Variants in ABCB1 observed in about 807,000 individuals in gnomAD.
ABCB1 encodes the protein ATP-dependent translocase ABCB1.
A neutral mutation model predicts 142.0 loss-of-function variants in ABCB1; 69 were observed. The ratio of observed to expected loss-of-function variants is 0.49; its 90% CI spans 0.40 to 0.59. The LOEUF (loss-of-function observed/expected upper bound fraction) is 0.59, where lower values mean the gene tolerates loss of function less well. ABCB1 is among the 20% of genes least tolerant of loss of function. ABCB1 has a pLI of 0.00. For missense variants in ABCB1, 1,326 were observed against 1,554.7 expected (o/e 0.85, Z 2.47); for synonymous variants, 532 against 539.2 (o/e 0.99, Z 0.18).
chr7:87,591,443 G>A (rs1332957361), intron 3 of ABCB1, among the ~76,000 whole-genome samples: 1 of 152,198 alleles, frequency 6.6e-6, no homozygotes, highest in Non-Finnish European at 1.5e-5. Context: ...AGGAATCACA[G>A]GTTGTGGTCA....
chr7:87,642,469 C>T (rs770561553), intron 1 of ABCB1, among the ~76,000 whole-genome samples: 35 of 151,940 alleles, frequency 2.3e-4, no homozygotes, highest in Admixed American at 1.3e-4. Context: ...ATATGTGATC[C>T]AAGTATATAA....
intron 11 of ABCB1, 50 bp from the exon 12 acceptor site, chr7:87,550,346 A>G (rs765866575): frequency 2.5e-6 from 4 of 1,613,532 alleles, no homozygotes; most frequent in Admixed American, 1.7e-5. Context: ...CAGACACAGG[A>G]TATAGGAACT....
rs775751932 is a variant in ABCB1, at chr7:87,561,379, A to T, written c.711T>A (p.Ser237=). ...LSAAVWAKIL[S]SFTDKELLAY... Reference sequence around the variant, plus strand: ...CTAAGAGTTCTTTATCAGTAAATGAAGATAGTATCTGTTTAAAAATACAAT... The same window carrying T: ...CTAAGAGTTCTTTATCAGTAAATGATGATAGTATCTGTTTAAAAATACAAT... The change falls in exon 8 of 28, where the codon TCT becomes TCA. Residue 237 remains serine (S), a synonymous_variant. Transcript: ENST00000622132. 1 of 1,612,664 alleles carries T rather than the reference A, an allele frequency of 6.2e-7. No homozygotes were observed. Among genetic ancestry groups the T allele is most frequent in the South Asian group, 1.1e-5 (1 of 90,774 alleles).
chr7:87,631,629 G>A (rs1210721317), intron 1 of ABCB1, among the ~76,000 whole-genome samples: 1 of 152,184 alleles, frequency 6.6e-6, no homozygotes, highest in Non-Finnish European at 1.5e-5. Context: ...TGCTGACCTC[G>A]TGATCCGCCC....
intron 1 of ABCB1, among the ~76,000 whole-genome samples, chr7:87,656,827 A>G (rs774808477): frequency 6.6e-6 from 1 of 152,338 alleles, no homozygotes; most frequent in Non-Finnish European, 1.5e-5. Context: ...CAAGTTACTC[A>G]TTCAAAAACA....
At chr7:87,648,736 A>C (rs938810279) in intron 1 of ABCB1, among the ~76,000 whole-genome samples, 1 of 152,090 alleles carries the variant, frequency 6.6e-6, no homozygotes, top group African/African-American at 2.4e-5. Flanking sequence ...AAAGTTTTTA[A>C]TGTTTTGACA....
intron 8 of ABCB1, among the ~76,000 whole-genome samples, chr7:87,559,314 G>C (rs1817450012): frequency 6.6e-6 from 1 of 152,076 alleles, no homozygotes; most frequent in Non-Finnish European, 1.5e-5. Context: ...TTAAGTGAGA[G>C]TTTTAACCTA....
Position 87,711,293 on chromosome 7 carries a change from C to T in ABCB1, c.-331+1868G>A, listed in dbSNP as rs149875873. Among the ~76,000 whole-genome samples, 318 of 151,600 alleles carry T rather than the reference C, an allele frequency of 2.1e-3. 7 individuals are homozygous for T. In the East Asian group the frequency reaches 0.031, roughly 15 times the overall value. ...GAGAGCCGAGATTGAGCCATTGCACCGCAGCCTGAGCAACAAGAGAGAAAC... is the reference window on the plus strand; with the variant it reads ...GAGAGCCGAGATTGAGCCATTGCACTGCAGCCTGAGCAACAAGAGAGAAAC... On this transcript the variant is annotated intron_variant, in intron 1 of 28. Coordinates refer to the ABCB1 transcript ENST00000265724.
At chr7:87,547,741 A>G (rs563651465) in intron 14 of ABCB1, among the ~76,000 whole-genome samples, 8 of 149,896 alleles carry the variant, frequency 5.3e-5, no homozygotes, top group African/African-American at 2.0e-4. Flanking sequence ...GTGGCGGTGC[A>G]TGCCTGTAAT....
rs548495124 is a variant in ABCB1, at chr7:87,568,629, T to G, written c.338+1543A>C. ...CAGTCTCTGACATTGCTGTTCACAA[T>G]TCAGCACTCAGCCCATCAGGAATCT... On this transcript the variant is annotated intron_variant, in intron 5 of 27. Transcript: ENST00000622132. Among the ~76,000 whole-genome samples, 14 of 152,292 alleles carry G rather than the reference T, an allele frequency of 9.2e-5. No individual in the cohort carries two copies. In the South Asian group the frequency reaches 2.9e-3, roughly 32 times the overall value.
intron 1 of ABCB1, among the ~76,000 whole-genome samples, chr7:87,633,822 T>C (rs914701926): frequency 4.6e-5 from 7 of 152,336 alleles, no homozygotes; most frequent in Non-Finnish European, 8.8e-5. Context: ...TGAAATGTTA[T>C]TGAATATTAA....
At chr7:87,514,115 G>A (rs557434578) in intron 25 of ABCB1, among the ~76,000 whole-genome samples, 10 of 152,142 alleles carry the variant, frequency 6.6e-5, no homozygotes, top group Non-Finnish European at 1.2e-4. Flanking sequence ...AAGAGTGACC[G>A]CTGTGAGGAA....
chr7:87,503,945 G>C lies in ABCB1; in HGVS notation c.*298C>G. 2.4e-6 allele frequency: 1 copy of C among 421,348 alleles called. No homozygotes were observed. Among genetic ancestry groups the C allele is most frequent in the Admixed American group, 3.8e-5 (1 of 26,482 alleles). 26.1% of individuals were successfully genotyped at this position (421,348 alleles called of 1,614,324 possible). A position where few individuals can be genotyped will look rare whatever the true frequency, so the allele number is the denominator to read the frequency against. On this transcript the variant is annotated 3_prime_UTR_variant, in exon 28 of 28. Coordinates refer to ENST00000622132, the MANE Select transcript of ABCB1 (RefSeq NM_001348946.2). ...GCTACTTCTATAATCTTTTAGCAAG[G>C]CAGTCAGTTACAGTCCAAATGGGAA...
intron 25 of ABCB1, among the ~76,000 whole-genome samples, chr7:87,514,471 C>G (rs925141175): frequency 6.6e-6 from 1 of 152,114 alleles, no homozygotes; most frequent in African/African-American, 2.4e-5. Context: ...CTTCCATGTT[C>G]TTTTTACATT....
chr7:87,550,503 C>G lies in ABCB1; in HGVS notation c.1189G>C (p.Val397Leu). The G allele has an allele frequency of 6.2e-7, 1 of 1,613,406 alleles. No individual in the cohort carries two copies. The highest frequency in any genetic ancestry group is 8.5e-7 in the Non-Finnish European group (1 of 1,179,972). Residue 397 changes from valine to leucine, a missense_variant, in exon 11 of 28, where the codon GTT becomes CTT. Transcript: ENST00000622132. Reference protein sequence around the residue: ...NIKGNLEFRNVHFSYPSRKEV... With the variant: ...NIKGNLEFRNLHFSYPSRKEV... ...TTTCGAGATGGGTAACTGAAGTGAA[C>G]ATTTCTGAATTCCAAATTTCCCTTA...
chr7:87,648,184 C>CAAAAA (rs138383809), intron 1 of ABCB1, among the ~76,000 whole-genome samples: 1 of 65,432 alleles, frequency 1.5e-5, no homozygotes, highest in African/African-American at 5.5e-5. Flanking sequence ...GACTCTGTCT[C>CAAAAA]AAAAAAAAAA....
In ABCB1 at chr7:87,628,584, C is replaced by CGTGCGT. The variant is rs1468348829; in HGVS notation, c.-330-27507_-330-27506insACGCAC. The stretch of plus-strand genomic sequence containing the variant: ...CGAGGGCGGAGGTGGTGCGTGCGTG[C>CGTGCGT]GTGTGTGTGTGTGTGTGTGTGTGTG... On this transcript the variant is annotated intron_variant, in intron 1 of 28. Coordinates refer to the ABCB1 transcript ENST00000265724. The CGTGCGT allele has an allele frequency of 9.7e-4, 283 of 290,704 alleles. 2 individuals are homozygous for CGTGCGT. Among genetic ancestry groups the CGTGCGT allele is most frequent in the Admixed American group, 1.8e-3 (34 of 18,866 alleles). The allele number at this position is 290,704 out of a possible 1,614,324, so 18.0% of individuals were successfully genotyped here. A position where few individuals can be genotyped will look rare whatever the true frequency, so the allele number is the denominator to read the frequency against.
intron 1 of ABCB1, among the ~76,000 whole-genome samples, chr7:87,647,426 A>G (rs193213867): frequency 3.3e-4 from 50 of 152,352 alleles, no homozygotes; most frequent in South Asian, 6.2e-4. Flanking sequence ...CAAAAGCAGT[A>G]ATATAATCTA....
chr7:87,542,885 A>C (rs1816602723), intron 17 of ABCB1, among the ~76,000 whole-genome samples: 1 of 152,140 alleles, frequency 6.6e-6, no homozygotes, highest in Admixed American at 6.5e-5. Context: ...CAAAGCCTAA[A>C]ATATTTACCA....
Sources: allele counts gnomAD v4.1 joint callset (sites outside exome capture counted in the v4.1 genomes callset), GRCh38; gene constraint gnomAD v4.1.1; transcripts MANE v1.5; gene names NCBI Gene and HGNC (gene_info 2026-07-23, HGNC 2026-07-21).